The following KCTD8 variants were observed in gnomAD, a reference collection of about 807,000 sequenced individuals.
KCTD8 encodes potassium channel tetramerization domain containing 8, also known as BTB/POZ domain-containing protein KCTD8.
KCTD8 carries 27 observed loss-of-function variants against 31.5 expected under a neutral mutation model. That is an observed-to-expected ratio of 0.86 (90% CI 0.63 to 1.18). The LOEUF (loss-of-function observed/expected upper bound fraction) is 1.18, where lower values mean the gene tolerates loss of function less well. Among genes scored for constraint, KCTD8 ranks in the 50% most tolerant of loss-of-function variants. KCTD8 has a pLI of 0.00. For synonymous variants in KCTD8, 290 were observed against 280.0 expected (o/e 1.04, Z -0.36); for missense variants, 658 against 647.7 (o/e 1.02, Z -0.17).
At chr4:44,283,352 G>A (rs980203230) in intron 1 of KCTD8, among the ~76,000 whole-genome samples, 3 of 151,942 alleles carry the variant, frequency 2.0e-5, no homozygotes, top group African/African-American at 7.3e-5. Context: ...GCCTGGCCCA[G>A]ATTTTCAATG....
chr4:44,434,292 A>C (rs1480930856), intron 1 of KCTD8, among the ~76,000 whole-genome samples: 2 of 152,018 alleles, frequency 1.3e-5, no homozygotes, highest in South Asian at 2.1e-4. Context: ...AAAATAGTTA[A>C]CTTTAGTGAG....
At chr4:44,417,796 AG>A (rs1427665291) in intron 1 of KCTD8, among the ~76,000 whole-genome samples, 1 of 10,264 alleles carries the variant, frequency 9.7e-5, no homozygotes, top group East Asian at 1.8e-3. Context: ...CACATGGAAA[AG>A]GAAGTCCTTC....
chr4:44,411,924 T>C (rs1720969429), intron 1 of KCTD8, among the ~76,000 whole-genome samples: 1 of 152,136 alleles, frequency 6.6e-6, no homozygotes, highest in African/African-American at 2.4e-5. Context: ...TTCTAGAGTG[T>C]AGAAGTGTGA....
At chr4:44,283,229 T>C (rs958311341) in intron 1 of KCTD8, among the ~76,000 whole-genome samples, 1 of 151,972 alleles carries the variant, frequency 6.6e-6, no homozygotes, top group African/African-American at 2.4e-5. Context: ...TTTGTATTTT[T>C]AGTAGAGACA....
intron 1 of KCTD8, among the ~76,000 whole-genome samples, chr4:44,307,288 A>C (rs539382311): frequency 6.6e-6 from 1 of 152,122 alleles, no homozygotes; most frequent in Non-Finnish European, 1.5e-5. Flanking sequence ...AGTAATAATA[A>C]TCACATAATT....
intron 1 of KCTD8, among the ~76,000 whole-genome samples, chr4:44,344,803 T>C (rs1327931722): frequency 2.0e-5 from 3 of 152,198 alleles, no homozygotes; most frequent in Admixed American, 2.0e-4. Flanking sequence ...GGAATTCCTA[T>C]AAATATGTGA....
At chr4:44,233,633 TC>T (rs1467202205) in intron 1 of KCTD8, among the ~76,000 whole-genome samples, 1 of 152,214 alleles carries the variant, frequency 6.6e-6, no homozygotes, top group African/African-American at 2.4e-5. Context: ...ACTATGTTGC[TC>T]TGTCCTTGTT....
At chr4:44,426,994 T>C (rs7693870) in intron 1 of KCTD8, among the ~76,000 whole-genome samples, 24,691 of 151,660 alleles carry the variant, frequency 0.16, 2,210 homozygotes, top group Non-Finnish European at 0.2. Context: ...AAGATGATTT[T>C]AGTACAAAAA....
At chr4:44,264,571 A>C (rs1173488983) in intron 1 of KCTD8, among the ~76,000 whole-genome samples, 1 of 152,208 alleles carries the variant, frequency 6.6e-6, no homozygotes, top group Non-Finnish European at 1.5e-5. Flanking sequence ...TGTGAGCCGA[A>C]GCAAGGCGAG....
chr4:44,187,396 C>T (rs1713621029), intron 1 of KCTD8, among the ~76,000 whole-genome samples: 1 of 152,166 alleles, frequency 6.6e-6, no homozygotes, highest in East Asian at 1.9e-4. Context: ...TCCACATTCA[C>T]CCTTCTCGTG....
intron 1 of KCTD8, among the ~76,000 whole-genome samples, chr4:44,235,754 T>C (rs1423752765): frequency 6.6e-6 from 1 of 151,650 alleles, no homozygotes; most frequent in Non-Finnish European, 1.5e-5. Context: ...CTCTCAATTA[T>C]ATAGCACATC....
At chr4:44,373,712 AC>A (rs1369058765) in intron 1 of KCTD8, among the ~76,000 whole-genome samples, 1 of 152,144 alleles carries the variant, frequency 6.6e-6, no homozygotes, top group East Asian at 1.9e-4. Flanking sequence ...TAAATGAAAA[AC>A]ATCATTAACA....
intron 1 of KCTD8, among the ~76,000 whole-genome samples, chr4:44,421,506 T>C (rs1721210419): frequency 6.6e-6 from 1 of 152,114 alleles, no homozygotes; most frequent in African/African-American, 2.4e-5. Flanking sequence ...ACAAGAACCC[T>C]AGGTGATGCT....
Position 44,175,208 on chromosome 4 carries a change from T to A in KCTD8, c.1004A>T (p.Asp335Val), listed in dbSNP as rs200752163. The A allele has an allele frequency of 1.2e-6, 2 of 1,600,022 alleles. No homozygotes were observed. Among genetic ancestry groups the A allele is most frequent in the South Asian group, 1.1e-5 (1 of 88,562 alleles). The change falls in exon 2 of 2, where the codon GAT (aspartate) becomes GTT (valine). Residue 335 changes from aspartate to valine, a missense_variant. By Grantham distance (152) the Asp-to-Val change is radical. Coordinates refer to ENST00000360029, the MANE Select transcript of KCTD8 (RefSeq NM_198353.3). Reference sequence around the variant, plus strand: ...ATCAGTGACTTTGTCATGTTTCCTATCTTCATGTTCTTGTTTAGGTGATAC... The same window carrying A: ...ATCAGTGACTTTGTCATGTTTCCTAACTTCATGTTCTTGTTTAGGTGATAC... Reference protein sequence around the residue: ...KIVSPKQEHEDRKHDKVTDKG... With the variant: ...KIVSPKQEHEVRKHDKVTDKG...
chr4:44,263,293 T>C (rs777655619), intron 1 of KCTD8, among the ~76,000 whole-genome samples: 2 of 152,154 alleles, frequency 1.3e-5, no homozygotes, highest in Non-Finnish European at 2.9e-5. Context: ...TTTCAAAGAA[T>C]ACTGGTTACA....
chr4:44,178,623 A>AT (rs1234949069), intron 1 of KCTD8, among the ~76,000 whole-genome samples: 1 of 151,110 alleles, frequency 6.6e-6, no homozygotes, highest in African/African-American at 2.5e-5. Flanking sequence ...TAAATAAGTG[A>AT]TGAAAAAAAT....
At chr4:44,406,631 A>C (rs1434458223) in intron 1 of KCTD8, among the ~76,000 whole-genome samples, 3 of 152,150 alleles carry the variant, frequency 2.0e-5, no homozygotes, top group Non-Finnish European at 4.4e-5. Context: ...AAACAGACTA[A>C]CACACCTTGC....
intron 1 of KCTD8, among the ~76,000 whole-genome samples, chr4:44,308,346 T>TC (rs35381084): frequency 7.9e-5 from 12 of 151,940 alleles, no homozygotes; most frequent in African/African-American, 2.7e-4. Flanking sequence ...TCTTTTTTTT[T>TC]CCCTTTAAAA....
chr4:44,175,702 G>A (rs1229640551), intron 1 of KCTD8, among the ~76,000 whole-genome samples: 1 of 152,154 alleles, frequency 6.6e-6, no homozygotes, highest in Non-Finnish European at 1.5e-5. Context: ...AAGCAAGAAA[G>A]TACCATTGAT....
Sources: gnomAD v4.1 joint callset for allele counts (sites outside exome capture counted in the v4.1 genomes callset) on GRCh38, gnomAD v4.1.1 for gene constraint, MANE v1.5 for transcripts, NCBI Gene and HGNC (gene_info 2026-07-23, HGNC 2026-07-21) for gene names.